Variants in TANC2 observed in about 807,000 individuals in gnomAD.
TANC2 encodes tetratricopeptide repeat, ankyrin repeat and coiled-coil containing 2, also known as protein TANC2.
A neutral mutation model predicts 210.5 loss-of-function variants in TANC2; 26 were observed. That is an observed-to-expected ratio of 0.12 (90% CI 0.09 to 0.17). The LOEUF (loss-of-function observed/expected upper bound fraction) is 0.17. TANC2 is among the 10% of genes least tolerant of loss of function. The probability of loss-of-function intolerance (pLI) is 1.00; values close to 1 mark genes in which losing one functional copy is unlikely to be tolerated. For synonymous variants in TANC2, 931 were observed against 967.1 expected (o/e 0.96, Z 0.69); for missense variants, 2,129 against 2,608.9 (o/e 0.82, Z 4.01).
At chr17:63,384,134 A>G (rs753293113) in intron 15 of TANC2, among the ~76,000 whole-genome samples, 3 of 152,060 alleles carry the variant, frequency 2.0e-5, no homozygotes, top group Non-Finnish European at 4.4e-5. Flanking sequence ...TAGTGGCACA[A>G]TCACAGCTTA....
intron 3 of TANC2, among the ~76,000 whole-genome samples, chr17:63,084,453 G>A (rs1201112233): frequency 1.3e-5 from 2 of 151,256 alleles, no homozygotes; most frequent in African/African-American, 2.4e-5. Flanking sequence ...ACCAGGACTT[G>A]GTTTTGTTGA....
intron 8 of TANC2, among the ~76,000 whole-genome samples, chr17:63,259,986 G>T (rs1469692303): frequency 6.6e-6 from 1 of 152,158 alleles, no homozygotes; most frequent in African/African-American, 2.4e-5. Flanking sequence ...ATTAGTATAT[G>T]ATATACAGGG....
intron 2 of TANC2, among the ~76,000 whole-genome samples, chr17:63,017,033 A>G (rs1428177676): frequency 6.6e-6 from 1 of 152,132 alleles, no homozygotes; most frequent in Non-Finnish European, 1.5e-5. Flanking sequence ...ATTTACTCCT[A>G]TGTTTTCTTC....
At chr17:63,386,790 T>C (rs572295543) in intron 15 of TANC2, among the ~76,000 whole-genome samples, 1 of 152,312 alleles carries the variant, frequency 6.6e-6, no homozygotes, top group African/African-American at 2.4e-5. Flanking sequence ...AAATTTGTAT[T>C]ATTTTTATAA....
chr17:63,224,309 T>C (rs2042273570), intron 7 of TANC2, among the ~76,000 whole-genome samples: 1 of 148,126 alleles, frequency 6.8e-6, no homozygotes, highest in South Asian at 2.1e-4. Flanking sequence ...TGGGGTGCAG[T>C]GGTGTGATCT....
At chr17:63,245,874 G>A (rs1038411782) in intron 8 of TANC2, among the ~76,000 whole-genome samples, 1 of 151,436 alleles carries the variant, frequency 6.6e-6, no homozygotes, top group East Asian at 1.9e-4. Flanking sequence ...CCTGTGCATG[G>A]TAGCGTGCAC....
chr17:63,364,953 A>G (rs1383598992), intron 14 of TANC2, among the ~76,000 whole-genome samples: 2 of 152,206 alleles, frequency 1.3e-5, no homozygotes, highest in South Asian at 2.1e-4. Context: ...CAGCAACTTA[A>G]TCTAAAATGA....
chr17:63,112,024 A>C (rs571668060), intron 4 of TANC2, among the ~76,000 whole-genome samples: 1 of 152,142 alleles, frequency 6.6e-6, no homozygotes, highest in African/African-American at 2.4e-5. Context: ...GCGCCCGGCC[A>C]TTGCTTTTTA....
chr17:63,262,481 C>T (rs1412398747), intron 8 of TANC2, among the ~76,000 whole-genome samples: 1 of 152,176 alleles, frequency 6.6e-6, no homozygotes, highest in Admixed American at 6.5e-5. Flanking sequence ...CAAGCCACCG[C>T]ACCCAGCTGA....
intron 4 of TANC2, among the ~76,000 whole-genome samples, chr17:63,125,701 C>G (rs774388562): frequency 3.3e-5 from 5 of 152,068 alleles, no homozygotes; most frequent in Non-Finnish European, 7.4e-5. Context: ...TGTAGTTTCT[C>G]CTTCCTTGTT....
intron 14 of TANC2, among the ~76,000 whole-genome samples, chr17:63,361,272 C>A (rs746718369): frequency 1.2e-4 from 18 of 152,202 alleles, no homozygotes; most frequent in Non-Finnish European, 1.9e-4. Flanking sequence ...ATTGCTCACA[C>A]CCTTTGGGAT....
intron 4 of TANC2, chr17:63,150,222 C>T (rs1382560687): frequency 3.3e-5 from 5 of 152,098 alleles, no homozygotes; most frequent in Non-Finnish European, 5.9e-5. Flanking sequence ...TCTTGGCCAC[C>T]TATGATTATG....
At chr17:63,072,037 A>G (rs897961490) in intron 2 of TANC2, among the ~76,000 whole-genome samples, 2 of 152,186 alleles carry the variant, frequency 1.3e-5, no homozygotes, top group Non-Finnish European at 2.9e-5. Flanking sequence ...TTGATGAACT[A>G]TGTAAAATAC....
intron 3 of TANC2, among the ~76,000 whole-genome samples, chr17:63,079,930 G>A (rs1272420770): frequency 6.6e-6 from 1 of 152,184 alleles, no homozygotes; most frequent in Non-Finnish European, 1.5e-5. Context: ...TAGGAGATGG[G>A]AGACAGGCTC....
intron 1 of TANC2, among the ~76,000 whole-genome samples, chr17:62,995,541 G>A (rs1018260437): frequency 6.6e-6 from 1 of 152,196 alleles, no homozygotes; most frequent in Non-Finnish European, 1.5e-5. Flanking sequence ...TTTAGGTGCT[G>A]TATGAAAGAG....
Position 63,004,936 on chromosome 17 carries a change from A to G in TANC2, c.-23-4601A>G, listed in dbSNP as rs148467794. The G allele has an allele frequency of 1.1e-3, 242 of 229,258 alleles. 1 individual carries two copies. The highest frequency in any genetic ancestry group is 5.3e-3 in the African/African-American group (229 of 42,874). The allele number at this position is 229,258 out of a possible 1,614,324, so 14.2% of individuals were successfully genotyped here. A position where few individuals can be genotyped will look rare whatever the true frequency, so the allele number is the denominator to read the frequency against. On this transcript the variant is annotated intron_variant, in intron 1 of 27. Transcript: ENST00000689528. ...ATTGGCTTTATCTCGTTTAGTATCT[A>G]TCCCCTTCAATCCTTCTCGTGGGCA...
exon 18 of TANC2, chr17:63,395,872 A>G: frequency 6.2e-7 from 1 of 1,611,206 alleles, no homozygotes; most frequent in Non-Finnish European, 8.5e-7. Context: ...AGTATTTAAG[A>G]AGAGCCATGC....
At chr17:63,401,134 GA>G (rs1347691968) in intron 19 of TANC2, among the ~76,000 whole-genome samples, 1 of 152,084 alleles carries the variant, frequency 6.6e-6, no homozygotes, top group Non-Finnish European at 1.5e-5. Context: ...TATAGCACAT[GA>G]TCATTTAAAT....
intron 17 of TANC2, among the ~76,000 whole-genome samples, chr17:63,392,973 A>G (rs887480833): frequency 1.3e-5 from 2 of 152,208 alleles, no homozygotes; most frequent in African/African-American, 4.8e-5. Context: ...ATTTGGTGAT[A>G]ATACTATTAA....
Sources: allele counts gnomAD v4.1 joint callset (sites outside exome capture counted in the v4.1 genomes callset), GRCh38; gene constraint gnomAD v4.1.1; transcripts MANE v1.5; gene names NCBI Gene and HGNC (gene_info 2026-07-23, HGNC 2026-07-21).